PHF24: variants seen among roughly 807,000 people sequenced by gnomAD.
PHF24 encodes the protein Galpha inhibitory interacting protein.
Under a neutral mutation model 42.6 loss-of-function variants are expected in PHF24, and 25 were observed. That is an observed-to-expected ratio of 0.59 (90% confidence interval 0.43 to 0.82). PHF24 has a LOEUF of 0.82. Ranked by LOEUF, PHF24 falls within the 40% of genes least tolerant of loss-of-function variation. The probability of loss-of-function intolerance (pLI) is 0.00; values close to 1 mark genes in which losing one functional copy is unlikely to be tolerated. For synonymous variants in PHF24, 185 were observed against 204.8 expected (o/e 0.90, Z 0.83); for missense variants, 470 against 538.1 (o/e 0.87, Z 1.25).
chr9:34,837,118 G>C, the PHF24 span: 1 of 471,134 alleles, frequency 2.1e-6, no homozygotes, highest in Admixed American at 2.3e-5. Context: ...TCCTGAGAAA[G>C]TCTCCTAGCT....
chr9:34,756,481 A>G, the PHF24 span, among the ~76,000 whole-genome samples: 1 of 152,088 alleles, frequency 6.6e-6, no homozygotes, highest in Non-Finnish European at 1.5e-5. Context: ...TTTTTCCCCC[A>G]GAGTATGTTC....
chr9:34,692,907 C>G, the PHF24 span, among the ~76,000 whole-genome samples: 1 of 151,796 alleles, frequency 6.6e-6, no homozygotes, highest in African/African-American at 2.4e-5. Context: ...CTGCCTCAGC[C>G]TCCTGAGTAG....
chr9:34,691,698 T>G, the PHF24 span, among the ~76,000 whole-genome samples: 7 of 152,132 alleles, frequency 4.6e-5, no homozygotes, highest in Non-Finnish European at 1.0e-4. Context: ...CCTGGCACCC[T>G]CAGGACAACC....
the PHF24 span, among the ~76,000 whole-genome samples, chr9:34,918,572 A>G: frequency 6.6e-6 from 1 of 152,336 alleles, no homozygotes; most frequent in East Asian, 1.9e-4. Context: ...TTAAGATATT[A>G]GTTAAGAATT....
chr9:34,832,435 C>T, the PHF24 span: 4 of 1,416,654 alleles, frequency 2.8e-6, no homozygotes, highest in African/African-American at 5.7e-5. Context: ...TGGGGACCAT[C>T]CAAGAAAGCT....
At chr9:34,908,200 A>G in the PHF24 span, among the ~76,000 whole-genome samples, 1 of 152,176 alleles carries the variant, frequency 6.6e-6, no homozygotes, top group Non-Finnish European at 1.5e-5. Flanking sequence ...AACTAATACC[A>G]TACCCCAGAA....
chr9:34,917,498 C>T, the PHF24 span: 11 of 772,140 alleles, frequency 1.4e-5, no homozygotes, highest in Admixed American at 5.1e-5. Flanking sequence ...CAATCGAAAG[C>T]CTGCAGAGAC....
chr9:34,908,757 G>A, the PHF24 span, among the ~76,000 whole-genome samples: 63 of 151,980 alleles, frequency 4.1e-4, no homozygotes, highest in Non-Finnish European at 6.8e-4. Context: ...ACTTTGTCTC[G>A]GGTCACCACT....
intron 1 of PHF24, among the ~76,000 whole-genome samples, chr9:34,967,483 G>C (rs940388886): frequency 3.9e-5 from 6 of 152,218 alleles, no homozygotes; most frequent in African/African-American, 1.4e-4. Context: ...ACAGTTGAAA[G>C]TTTTGAGAAA....
the PHF24 span, among the ~76,000 whole-genome samples, chr9:34,871,303 C>T: frequency 1.1e-4 from 17 of 152,078 alleles, no homozygotes; most frequent in Non-Finnish European, 1.6e-4. Context: ...TTATTATTGT[C>T]GAGTTTTAAG....
chr9:34,970,734 A>G (rs917298949), intron 1 of PHF24, among the ~76,000 whole-genome samples: 3 of 152,198 alleles, frequency 2.0e-5, no homozygotes, highest in African/African-American at 7.2e-5. Context: ...GAAGTCTCCA[A>G]CCATTTCGAA....
chr9:34,864,037 A>T, the PHF24 span, among the ~76,000 whole-genome samples: 1 of 152,366 alleles, frequency 6.6e-6, no homozygotes, highest in South Asian at 2.1e-4. Context: ...TTCTAATAGC[A>T]GAATTGATGA....
the PHF24 span, among the ~76,000 whole-genome samples, chr9:34,838,046 C>CA: frequency 6.6e-6 from 1 of 152,010 alleles, no homozygotes; most frequent in Non-Finnish European, 1.5e-5. Flanking sequence ...GGCCACCAAC[C>CA]AAAAAAATCC....
chr9:34,767,323 C>A, the PHF24 span, among the ~76,000 whole-genome samples: 1 of 152,238 alleles, frequency 6.6e-6, no homozygotes. Context: ...CCCACAGAGG[C>A]ATGCAGGCCT....
the PHF24 span, among the ~76,000 whole-genome samples, chr9:34,790,557 A>G: frequency 2.0e-5 from 3 of 152,252 alleles, no homozygotes; most frequent in Non-Finnish European, 4.4e-5. Flanking sequence ...GACATCCAAC[A>G]TATTTACTTT....
the PHF24 span, among the ~76,000 whole-genome samples, chr9:34,667,053 A>C: frequency 6.6e-6 from 1 of 152,250 alleles, no homozygotes; most frequent in African/African-American, 2.4e-5. Context: ...GATTCTTACT[A>C]TAAATGGAGC....
upstream of PHF24, among the ~76,000 whole-genome samples, chr9:34,958,128 T>TGGGCG (rs1168779744): frequency 1.3e-5 from 2 of 148,152 alleles, no homozygotes; most frequent in Non-Finnish European, 1.5e-5. The surrounding 1 kb of genome is among the most constrained non-coding windows in gnomAD (Gnocchi z 4.5). Context: ...GCAAGAGGAC[T>TGGGCG]GGGCGGGGCG....
the PHF24 span, among the ~76,000 whole-genome samples, chr9:34,860,007 A>G: frequency 6.6e-6 from 1 of 151,984 alleles, no homozygotes; most frequent in African/African-American, 2.4e-5. Context: ...CTTTGTGCCC[A>G]TCTCTCTCTT....
At chr9:34,687,498 ATGAG>A in the PHF24 span, among the ~76,000 whole-genome samples, 3 of 152,050 alleles carry the variant, frequency 2.0e-5, no homozygotes, top group South Asian at 6.2e-4. Flanking sequence ...GAGTCACACA[ATGAG>A]TGGGGCAGAG....
Sources: gnomAD v4.1 joint callset for allele counts (sites outside exome capture counted in the v4.1 genomes callset) on GRCh38, gnomAD v4.1.1 for gene constraint, Gnocchi (gnomAD v3.1) non-coding constraint, MANE v1.5 for transcripts, NCBI Gene and HGNC (gene_info 2026-07-23, HGNC 2026-07-21) for gene names.